ADCY7: variants seen among roughly 807,000 people sequenced by gnomAD.
The protein encoded by ADCY7 is adenylate cyclase 7.
A neutral mutation model predicts 120.6 loss-of-function variants in ADCY7; 72 were observed. The observed-to-expected ratio is 0.60, with a 90% CI of 0.49 to 0.73. The LOEUF is 0.73. Among genes scored for constraint, ADCY7 ranks in the 30% least tolerant of loss-of-function variants. The pLI, the probability that ADCY7 is intolerant of heterozygous loss-of-function variation, is 0.00. For synonymous variants in ADCY7, 661 were observed against 628.0 expected, an observed-to-expected ratio of 1.05 and a Z score of -0.78; for missense variants, 1,227 against 1,486.0, an observed-to-expected ratio of 0.83 and a Z score of 2.87.
upstream of ADCY7, among the ~76,000 whole-genome samples, chr16:50,265,708 GTAC>G (rs1379057255): frequency 1.3e-5 from 2 of 152,200 alleles, no homozygotes; most frequent in Non-Finnish European, 2.9e-5. Context: ...GGTGGAGGAG[GTAC>G]ACCATTGCTT....
At chr16:50,261,303 G>T (rs1005068092) in intron 1 of ADCY7, among the ~76,000 whole-genome samples, 2 of 152,226 alleles carry the variant, frequency 1.3e-5, no homozygotes, top group African/African-American at 4.8e-5. Flanking sequence ...GGCGGCACCA[G>T]TACCTGGCGG....
intron 16 of ADCY7, 53 bp downstream of exon 16, chr16:50,308,464 T>C (rs1320696842): frequency 1.2e-6 from 2 of 1,609,654 alleles, no homozygotes; most frequent in Non-Finnish European, 1.7e-6. Context: ...TCAGGACACC[T>C]GCCTAGGAGC....
upstream of ADCY7, among the ~76,000 whole-genome samples, chr16:50,263,342 G>T (rs8050989): frequency 0.015 from 2,345 of 152,212 alleles, 66 homozygotes; most frequent in African/African-American, 0.052. Context: ...GGTGGCTGCG[G>T]CTGCGGGGAG....
At position 50,293,382 on chromosome 16, in the gene ADCY7, C is replaced by A; in HGVS notation, c.716C>A (p.Ala239Asp). The change falls in exon 6 of 26, where the codon GCC (alanine) becomes GAC (aspartate). Residue 239 changes from alanine to aspartate, a missense_variant. By Grantham distance (126) the Ala-to-Asp change is moderately radical (BLOSUM62 -2). Around this residue, in one of 5 missense-constraint regions of ADCY7, gnomAD observed 382 missense variants for 411.4 expected, o/e 0.93. Coordinates refer to ENST00000673801, the MANE Select transcript of ADCY7 (RefSeq NM_001114.5). Reference sequence around the variant, plus strand: ...AACCTGCTGCTGTCAGTGCTTCCGGCCCACATCTCCATGGGCATGAAGCTG... The same window carrying A: ...AACCTGCTGCTGTCAGTGCTTCCGGACCACATCTCCATGGGCATGAAGCTG... ...QENLLLSVLP[A>D]HISMGMKLAI... 1 of 1,613,816 alleles carries A rather than the reference C, an allele frequency of 6.2e-7. No individual in the cohort carries two copies. The highest frequency in any genetic ancestry group is 8.5e-7 in the Non-Finnish European group (1 of 1,179,856).
intron 1 of ADCY7, among the ~76,000 whole-genome samples, chr16:50,267,235 G>C (rs1430331257): frequency 6.6e-6 from 1 of 152,208 alleles, no homozygotes; most frequent in African/African-American, 2.4e-5. Flanking sequence ...CCCAGGGACC[G>C]CATGGGCCAT....
chr16:50,310,708 C>T lies in ADCY7; in HGVS notation c.2182C>T (p.Leu728=), dbSNP rs2036402045. 6.2e-7 allele frequency: 1 copy of T among 1,613,928 alleles called. No individual in the cohort carries two copies. The highest frequency in any genetic ancestry group is 8.5e-7 in the Non-Finnish European group (1 of 1,179,978). The change falls in exon 19 of 26, where the codon CTG becomes TTG. Residue 728 remains leucine (L), a synonymous_variant. Coordinates refer to ENST00000673801, the MANE Select transcript of ADCY7 (RefSeq NM_001114.5). ...TCAGTACTACACCTGCAGCTGTGTCCTGGGCTTCATCGCCTGCTCGGTCTT... is the reference window on the plus strand; with the variant it reads ...TCAGTACTACACCTGCAGCTGTGTCTTGGGCTTCATCGCCTGCTCGGTCTT... ...PLPYYTCSCV[L]GFIACSVFLR...
intron 15 of ADCY7, 130 bp downstream of exon 15, chr16:50,307,277 AGGGG>A: frequency 2.6e-6 from 2 of 775,926 alleles, no homozygotes; most frequent in South Asian, 3.4e-5. Flanking sequence ...CAACTGGACC[AGGGG>A]CTGTGGCAGC....
Position 50,315,595 on chromosome 16 carries a change from C to T in ADCY7, c.*90C>T. Reference sequence around the variant, plus strand: ...AAGACTCTCCGCCCCACGCCAATCCCAAAGGCATGCAGATGGCTGTGCATG... The same window carrying T: ...AAGACTCTCCGCCCCACGCCAATCCTAAAGGCATGCAGATGGCTGTGCATG... On this transcript the variant is annotated 3_prime_UTR_variant, in exon 26 of 26. Coordinates refer to ENST00000673801, the MANE Select transcript of ADCY7 (RefSeq NM_001114.5). 1.3e-6 allele frequency: 2 copies of T among 1,501,190 alleles called. No individual in the cohort carries two copies. The highest frequency in any genetic ancestry group is 1.9e-5 in the Admixed American group (1 of 53,722). 93.0% of individuals were successfully genotyped at this position (1,501,190 alleles called of 1,614,324 possible). A position where few individuals can be genotyped will look rare whatever the true frequency, so the allele number is the denominator to read the frequency against.
At chr16:50,251,232 C>G (rs2150777763) in intron 1 of ADCY7, among the ~76,000 whole-genome samples, 1 of 151,166 alleles carries the variant, frequency 6.6e-6, no homozygotes, top group African/African-American at 2.4e-5. Flanking sequence ...AGAGCGAGAC[C>G]CTGATTTAAA....
At chr16:50,311,474 G>A (rs1227775866) in intron 19 of ADCY7, among the ~76,000 whole-genome samples, 3 of 152,124 alleles carry the variant, frequency 2.0e-5, no homozygotes, top group Admixed American at 6.5e-5. Flanking sequence ...TGGTCATTCA[G>A]GGGTGAGATC....
chr16:50,276,836 C>T (rs2033924673), intron 1 of ADCY7, among the ~76,000 whole-genome samples: 1 of 152,162 alleles, frequency 6.6e-6, no homozygotes. Flanking sequence ...TTAAGCAGTC[C>T]TCCTGCCTCG....
intron 1 of ADCY7, among the ~76,000 whole-genome samples, chr16:50,287,092 T>G (rs896132393): frequency 1.3e-5 from 2 of 151,820 alleles, no homozygotes; most frequent in Non-Finnish European, 2.9e-5. Context: ...CTCAGCTTAC[T>G]GCAAAATTTG....
intron 22 of ADCY7, 131 bp from the exon 23 acceptor site, chr16:50,313,827 G>C (rs2036624625): frequency 1.4e-6 from 1 of 695,982 alleles, no homozygotes; most frequent in Admixed American, 2.6e-5. Flanking sequence ...CAGCTGGCAG[G>C]GCAGCCATGA....
At chr16:50,246,246 T>TGCGCCCGGGGTC (rs2032581818) in intron 1 of ADCY7, 1 of 149,836 alleles carries the variant, frequency 6.7e-6, no homozygotes, top group South Asian at 1.9e-4. Flanking sequence ...GGGCCGGGGA[T>TGCGCCCGGGGTC]GCGCCCGGGG....
At chr16:50,307,432 G>T (rs187731555) in intron 15 of ADCY7, among the ~76,000 whole-genome samples, 1 of 152,166 alleles carries the variant, frequency 6.6e-6, no homozygotes, top group Non-Finnish European at 1.5e-5. Context: ...CTTGCCTTAG[G>T]TGTTTGGAGT....
intron 1 of ADCY7, among the ~76,000 whole-genome samples, chr16:50,251,871 C>A (rs2032767509): frequency 6.6e-6 from 1 of 152,236 alleles, no homozygotes; most frequent in Non-Finnish European, 1.5e-5. Flanking sequence ...GCCTGCTCCC[C>A]CACGCAGAGG....
At chr16:50,292,449 C>G (rs185286292) in intron 4 of ADCY7, among the ~76,000 whole-genome samples, 1 of 152,324 alleles carries the variant, frequency 6.6e-6, no homozygotes, top group Admixed American at 6.5e-5. Context: ...GAGGTGGTCT[C>G]TTCTGCCTCC....
Position 50,305,867 on chromosome 16 carries a change from C to G in ADCY7, c.1752+18C>G. On this transcript the variant is annotated intron_variant, in intron 14 of 25. Coordinates refer to ENST00000673801, the MANE Select transcript of ADCY7 (RefSeq NM_001114.5). Reference sequence around the variant, plus strand: ...AGCGCGAGGTGAGGGCCCCCAGCAGCCTCCTCCGCAGAGGGACGGGGTCTC... The same window carrying G: ...AGCGCGAGGTGAGGGCCCCCAGCAGGCTCCTCCGCAGAGGGACGGGGTCTC... 1.2e-6 allele frequency: 2 copies of G among 1,612,820 alleles called. No individual in the cohort carries two copies. The highest frequency in any genetic ancestry group is 1.1e-5 in the South Asian group (1 of 91,066).
chr16:50,275,975 G>A (rs892187002), intron 1 of ADCY7, among the ~76,000 whole-genome samples: 1 of 152,234 alleles, frequency 6.6e-6, no homozygotes, highest in Non-Finnish European at 1.5e-5. Context: ...TTTTGGCCCA[G>A]TTTGTCTCCC....
Sources: gnomAD v4.1 joint callset for allele counts (sites outside exome capture counted in the v4.1 genomes callset) on GRCh38, gnomAD v4.1.1 for gene constraint, gnomAD v4.1.1 regional missense constraint, MANE v1.5 for transcripts, NCBI Gene and HGNC (gene_info 2026-07-23, HGNC 2026-07-21) for gene names.